Variants in SP100 observed in about 807,000 individuals in gnomAD.
SP100 encodes the protein SP100 nuclear body protein, also known as nuclear autoantigen Sp-100.
A neutral mutation model predicts 130.0 loss-of-function variants in SP100; 84 were observed. The observed-to-expected ratio is 0.65, with a 90% CI of 0.54 to 0.77. The LOEUF is 0.77. SP100 is among the 30% of genes least tolerant of loss of function. The probability of loss-of-function intolerance (pLI) is 0.00; values close to 1 mark genes in which losing one functional copy is unlikely to be tolerated. For missense variants in SP100, 978 were observed against 1,052.2 expected (o/e 0.93, Z 0.97); for synonymous variants, 331 against 351.7 (o/e 0.94, Z 0.66).
rs980252080 is a variant in SP100, at chr2:230,470,265, A to G, written c.1429+167A>G. 16 of 1,342,054 alleles carry G rather than the reference A, an allele frequency of 1.2e-5. No individual in the cohort carries two copies. The African/African-American group carries it at 2.1e-4, about 18-fold the overall frequency. The allele number at this position is 1,342,054 out of a possible 1,614,324, so 83.1% of individuals were successfully genotyped here. On this transcript the variant is annotated intron_variant, in intron 15 of 28. Coordinates refer to ENST00000340126, the MANE Select transcript of SP100 (RefSeq NM_001080391.2). ...AGAAAATGGAAAGAGGCAGGAAATTATGATAAACTCATGTTTAACAGAAAG... is the reference window on the plus strand; with the variant it reads ...AGAAAATGGAAAGAGGCAGGAAATTGTGATAAACTCATGTTTAACAGAAAG...
intron 8 of SP100, 58 bp from the exon 9 acceptor site, chr2:230,461,204 G>GAT (rs2064603133): frequency 4.0e-6 from 6 of 1,509,430 alleles, no homozygotes; most frequent in Non-Finnish European, 5.5e-6. Flanking sequence ...AGTTATTAAT[G>GAT]ATAGTGAAGG....
intron 2 of SP100, among the ~76,000 whole-genome samples, chr2:230,419,868 G>A (rs149195688): frequency 4.3e-4 from 65 of 152,290 alleles, no homozygotes; most frequent in African/African-American, 1.3e-3. Flanking sequence ...ATGAATTTGC[G>A]TTGGTGACCC....
chr2:230,467,002 G>C (rs924200416), intron 12 of SP100, 118 bp from the exon 13 acceptor site: 67 of 710,684 alleles, frequency 9.4e-5, no homozygotes, highest in Middle Eastern at 3.3e-4. Context: ...GGACATTCTT[G>C]CCCTGAAGTT....
At chr2:230,454,849 C>T (rs1304924762) in intron 8 of SP100, among the ~76,000 whole-genome samples, 1 of 152,114 alleles carries the variant, frequency 6.6e-6, no homozygotes, top group African/African-American at 2.4e-5. Context: ...GATTTTCTCC[C>T]TGGACAATCT....
chr2:230,462,691 A>T, intron 10 of SP100, 173 bp downstream of exon 10: 1 of 591,760 alleles, frequency 1.7e-6, no homozygotes, highest in Non-Finnish European at 3.0e-6. Context: ...GGGAGACAAG[A>T]AATTGTTATA....
chr2:230,474,352 T>C, intron 16 of SP100, 42 bp from the exon 17 acceptor site: 1 of 1,052,910 alleles, frequency 9.5e-7, no homozygotes, highest in Non-Finnish European at 1.4e-6. Context: ...TAAATTTTAC[T>C]TATAAATTAC....
At chr2:230,450,102 G>T (rs544112391) in intron 7 of SP100, 70 bp from the exon 8 acceptor site, 26 of 1,099,476 alleles carry the variant, frequency 2.4e-5, no homozygotes, top group Middle Eastern at 2.0e-4. Flanking sequence ...GCAGGGTGAG[G>T]TCTAACCAAA....
chr2:230,477,231 A>G (rs1559510039), intron 17 of SP100, among the ~76,000 whole-genome samples: 2 of 151,996 alleles, frequency 1.3e-5, no homozygotes, highest in Non-Finnish European at 2.9e-5. Flanking sequence ...CTTAAATATT[A>G]TATATATTAA....
chr2:230,461,216 G>A (rs1045754346), intron 8 of SP100, 46 bp from the exon 9 acceptor site: 1 of 1,572,658 alleles, frequency 6.4e-7, no homozygotes, highest in Non-Finnish European at 8.7e-7. Context: ...TAGTGAAGGA[G>A]GTTCACTGGG....
At chr2:230,503,910 A>C (rs1159991463) in intron 20 of SP100, among the ~76,000 whole-genome samples, 2 of 152,180 alleles carry the variant, frequency 1.3e-5, no homozygotes, top group Non-Finnish European at 2.9e-5. Context: ...GAGGAAAATC[A>C]TTGTGTGATA....
chr2:230,474,059 T>A (rs998194448), intron 16 of SP100, among the ~76,000 whole-genome samples: 3 of 152,210 alleles, frequency 2.0e-5, no homozygotes, highest in Non-Finnish European at 4.4e-5. Flanking sequence ...TGGACTGTTA[T>A]TGATTTATAT....
chr2:230,455,944 A>G lies in SP100; in HGVS notation c.821-5318A>G, dbSNP rs140512261. Among the ~76,000 whole-genome samples the G allele has an allele frequency of 3.5e-4, 53 of 152,312 alleles. No homozygotes were observed. The East Asian group carries it at 5.4e-3, about 15-fold the overall frequency. On this transcript the variant is annotated intron_variant, in intron 8 of 28. Coordinates refer to ENST00000340126, the MANE Select transcript of SP100 (RefSeq NM_001080391.2). Reference sequence around the variant, plus strand: ...TTTGATGTCAGAGTTTACAAGTTTTATATAGTGTATACTCTAAAAAATTAT... The same window carrying G: ...TTTGATGTCAGAGTTTACAAGTTTTGTATAGTGTATACTCTAAAAAATTAT...
At chr2:230,516,107 T>TGTGTAGACAAG in intron 24 of SP100, 1 of 962,404 alleles carries the variant, frequency 1.0e-6, no homozygotes, top group Non-Finnish European at 1.2e-6. Flanking sequence ...ATGAGGGAAC[T>TGTGTAGACAAG]GTGTAGACAA....
At chr2:230,512,461 T>G (rs1690670582) in intron 24 of SP100, among the ~76,000 whole-genome samples, 1 of 151,810 alleles carries the variant, frequency 6.6e-6, no homozygotes, top group South Asian at 2.1e-4. Context: ...GGCTGATTTT[T>G]GTATTTTTAG....
In SP100 at chr2:230,544,825, A is replaced by G. The variant is rs2150120010; in HGVS notation, c.*1879A>G. ...GAAGATACACATGCGGCCAACAAGC[A>G]TGTTTTAAAAGCTCAATATCACTGA... On this transcript the variant is annotated 3_prime_UTR_variant, in exon 29 of 29. Coordinates refer to ENST00000340126, the MANE Select transcript of SP100 (RefSeq NM_001080391.2). 6.6e-6 allele frequency among the ~76,000 whole-genome samples: 1 copy of G among 152,360 alleles called. No homozygotes were observed. The highest frequency in any genetic ancestry group is 2.1e-4 in the South Asian group (1 of 4,830).
In SP100 at chr2:230,462,533, G is replaced by T; in HGVS notation, c.1057+15G>T. 6.3e-7 allele frequency: 1 copy of T among 1,594,738 alleles called. No homozygotes were observed. Among genetic ancestry groups the T allele is most frequent in the Non-Finnish European group, 8.6e-7 (1 of 1,162,552 alleles). On this transcript the variant is annotated intron_variant, in intron 10 of 28. Coordinates refer to ENST00000340126, the MANE Select transcript of SP100 (RefSeq NM_001080391.2). ...AAGTGAGCCTGGTAAGGAAGTTTGG[G>T]AGAGCAAGGCTTGGGCTGTGGGAAT...
rs910544768 is a variant in SP100, at chr2:230,492,489, A to T, written c.1601-1927A>T. Reference sequence around the variant, plus strand: ...CTTGCTAATTTTTCAAATTTTTTGTAGAGACAAGGTCTTGCTGGGTTGCCC... The same window carrying T: ...CTTGCTAATTTTTCAAATTTTTTGTTGAGACAAGGTCTTGCTGGGTTGCCC... On this transcript the variant is annotated intron_variant, in intron 17 of 28. Transcript: ENST00000340126. Among the ~76,000 whole-genome samples the T allele has an allele frequency of 3.9e-5, 6 of 152,272 alleles. No homozygotes were observed. In the South Asian group the frequency reaches 1.2e-3, roughly 32 times the overall value.
At chr2:230,471,628 G>A (rs1678163) in intron 15 of SP100, among the ~76,000 whole-genome samples, 35,584 of 151,784 alleles carry the variant, frequency 0.23, 5,054 homozygotes, top group Middle Eastern at 0.33. Context: ...CAAAACATAT[G>A]CACACACACA....
intron 15 of SP100, among the ~76,000 whole-genome samples, chr2:230,471,237 G>T (rs916797621): frequency 2.6e-5 from 4 of 152,204 alleles, no homozygotes; most frequent in Non-Finnish European, 5.9e-5. Flanking sequence ...ATGTATAGCA[G>T]CAGGGCAATG....
Sources: gnomAD v4.1 joint callset for allele counts (sites outside exome capture counted in the v4.1 genomes callset) on GRCh38, gnomAD v4.1.1 for gene constraint, MANE v1.5 for transcripts, NCBI Gene and HGNC (gene_info 2026-07-23, HGNC 2026-07-21) for gene names.